MID1: variants seen among roughly 807,000 people sequenced by gnomAD.
MID1 encodes E3 ubiquitin-protein ligase Midline-1.
A neutral mutation model predicts 40.4 loss-of-function variants in MID1; 7 were observed. That is an observed-to-expected ratio of 0.17 (90% confidence interval 0.10 to 0.33). The LOEUF is 0.33. Ranked by LOEUF, MID1 falls within the 10% of genes least tolerant of loss-of-function variation. The pLI, the probability that MID1 is intolerant of heterozygous loss-of-function variation, is 1.00. For synonymous variants in MID1, 229 were observed against 221.2 expected (o/e 1.04, Z -0.31); for missense variants, 367 against 558.5 (o/e 0.66, Z 3.46).
At chrX:10,642,850 A>C (rs1340523472) in intron 1 of MID1, among the ~76,000 whole-genome samples, 2 of 110,720 alleles carry the variant, frequency 1.8e-5, no homozygotes, top group Non-Finnish European at 3.8e-5. Context: ...AGCCCTCAGA[A>C]ATAATACCAC....
rs185706568 is a variant in MID1 at position 10,767,044 on chromosome X, A to G, written c.-187+66510T>C. ...TGGGTGAGAGCAGCCTCTATGTCCC[A>G]CATTTTAGGCTAAGCATCTAACCCA... On this transcript the variant is annotated intron_variant, in intron 1 of 10. Transcript: ENST00000380785. Among the ~76,000 whole-genome samples, 1,086 of 111,661 alleles carry G rather than the reference A, an allele frequency of 9.7e-3. 16 individuals carry two copies. Among genetic ancestry groups the G allele is most frequent in the African/African-American group, 0.034 (1,035 of 30,795 alleles).
chrX:10,716,038 C>T (rs2043300604), intron 1 of MID1, among the ~76,000 whole-genome samples: 1 of 111,655 alleles, frequency 9.0e-6, no homozygotes, highest in Non-Finnish European at 1.9e-5. Context: ...ACCAAAACCC[C>T]ATCTGTACGT....
chrX:10,498,584 AT>A (rs1261954875), intron 3 of MID1, among the ~76,000 whole-genome samples: 2 of 112,335 alleles, frequency 1.8e-5, no homozygotes, highest in African/African-American at 6.5e-5. Flanking sequence ...AAAGAAACCC[AT>A]AATGTGTGCA....
intron 1 of MID1, among the ~76,000 whole-genome samples, chrX:10,670,185 G>C (rs757651767): frequency 3.0e-4 from 34 of 112,444 alleles, no homozygotes; most frequent in African/African-American, 1.1e-3. Flanking sequence ...ATGTCTAGTA[G>C]AAAAGGTTAA....
intron 1 of MID1, among the ~76,000 whole-genome samples, chrX:10,778,816 G>T (rs772167948): frequency 2.6e-5 from 3 of 113,539 alleles, no homozygotes; most frequent in Non-Finnish European, 5.6e-5. Context: ...GTAATGCCAA[G>T]CTATTTTGGA....
chrX:10,632,157 G>T (rs1164172661), intron 1 of MID1, among the ~76,000 whole-genome samples: 1 of 111,603 alleles, frequency 9.0e-6, no homozygotes, highest in Non-Finnish European at 1.9e-5. Context: ...AAATTAATTG[G>T]TGCTAAATAA....
intron 7 of MID1, among the ~76,000 whole-genome samples, chrX:10,461,312 T>C (rs6530400): frequency 0.058 from 6,319 of 108,926 alleles, 380 homozygotes; most frequent in African/African-American, 0.18. Context: ...TGAGTGTGTG[T>C]GTGTTTATAT....
At chrX:10,764,580 G>A (rs1182734696) in intron 1 of MID1, among the ~76,000 whole-genome samples, 1 of 111,520 alleles carries the variant, frequency 9.0e-6, no homozygotes, top group African/African-American at 3.3e-5. Flanking sequence ...TTAAAGCTCT[G>A]TGTATGATAA....
At chrX:10,693,958 T>A (rs375928297) in intron 1 of MID1, among the ~76,000 whole-genome samples, 1 of 112,516 alleles carries the variant, frequency 8.9e-6, no homozygotes, top group East Asian at 2.8e-4. Flanking sequence ...CTATGGTTCC[T>A]TGGGGACTCA....
chrX:10,634,919 G>A (rs1936093182), intron 1 of MID1, among the ~76,000 whole-genome samples: 1 of 112,651 alleles, frequency 8.9e-6, no homozygotes, highest in African/African-American at 3.2e-5. Context: ...CCCCGTCTTT[G>A]TTCAGACAGG....
chrX:10,518,425 A>C (rs1932554057), intron 3 of MID1, among the ~76,000 whole-genome samples: 1 of 111,715 alleles, frequency 9.0e-6, no homozygotes, highest in African/African-American at 3.3e-5. Context: ...GTAGGTCACT[A>C]ACCAGTTTTG....
intron 1 of MID1, among the ~76,000 whole-genome samples, chrX:10,777,571 A>C (rs1323504212): frequency 2.2e-5 from 2 of 89,498 alleles, no homozygotes. Flanking sequence ...ACGGAGTTTC[A>C]CTCTTGTTGC....
intron 1 of MID1, among the ~76,000 whole-genome samples, chrX:10,815,474 A>G (rs1282719692): frequency 8.9e-6 from 1 of 112,698 alleles, no homozygotes; most frequent in African/African-American, 3.2e-5. Context: ...GGATGTCATG[A>G]GCTCACATGT....
At position 10,456,156 on chromosome X, in the gene MID1, C is replaced by T. The variant is rs988267172; in HGVS notation, c.1448-1079G>A. Among the ~76,000 whole-genome samples, 13 of 112,357 alleles carry T rather than the reference C, an allele frequency of 1.2e-4. No individual in the cohort carries two copies. In the South Asian group the frequency reaches 3.0e-3, roughly 26 times the overall value. The stretch of plus-strand genomic sequence containing the variant: ...AACTGTGGCAATACACGATGCTGGG[C>T]GAGAAACTGACCCAGTGAGTATAGG... On this transcript the variant is annotated intron_variant, in intron 8 of 9. Transcript: ENST00000317552.
chrX:10,809,619 T>A (rs1366527907), intron 1 of MID1, among the ~76,000 whole-genome samples: 1 of 111,206 alleles, frequency 9.0e-6, no homozygotes, highest in Non-Finnish European at 1.9e-5. Context: ...TGAGTTCATG[T>A]CCTTTGTAGG....
In MID1 at chrX:10,784,793, T is replaced by TG. The variant is rs1312772606; in HGVS notation, c.-187+48760dup. 3.6e-5 allele frequency among the ~76,000 whole-genome samples: 4 copies of TG among 110,932 alleles called. No homozygotes were observed. In the East Asian group the frequency reaches 1.1e-3, roughly 32 times the overall value. The stretch of plus-strand genomic sequence containing the variant: ...TTTAGATTGTCTGATAGTGCCATTG[T>TG]GAAAAACACAAGTGTATTGATGGGA... On this transcript the variant is annotated intron_variant, in intron 1 of 10. Transcript: ENST00000380785.
intron 2 of MID1, chrX:10,565,212 G>C (rs1169524915): frequency 3.0e-6 from 1 of 329,430 alleles, no homozygotes; most frequent in Non-Finnish European, 5.9e-6. Flanking sequence ...CTGAGTCCTT[G>C]TGCTTGACTT....
At chrX:10,649,659 C>A (rs1185823766) in intron 1 of MID1, among the ~76,000 whole-genome samples, 1 of 111,826 alleles carries the variant, frequency 8.9e-6, no homozygotes, top group East Asian at 2.8e-4. Context: ...AAGTCTCTAG[C>A]GTTTTTCAAA....
chrX:10,482,741 A>G, intron 4 of MID1, 113 bp from the exon 5 acceptor site: 1 of 783,512 alleles, frequency 1.3e-6, no homozygotes, highest in East Asian at 3.2e-5. Flanking sequence ...AAAGTTCAAA[A>G]AGTAGGCATA....
Sources: gnomAD v4.1 joint callset for allele counts (sites outside exome capture counted in the v4.1 genomes callset) on GRCh38, gnomAD v4.1.1 for gene constraint, MANE v1.5 for transcripts, NCBI Gene and HGNC (gene_info 2026-07-23, HGNC 2026-07-21) for gene names.